The following ABCB11 variants were observed in gnomAD, a reference collection of about 807,000 sequenced individuals.
ABCB11 encodes the protein bile salt export pump.
ABCB11 carries 95 observed loss-of-function variants against 148.0 expected under a neutral mutation model. That is an observed-to-expected ratio of 0.64 (90% CI 0.54 to 0.76). The LOEUF is 0.76. Ranked by LOEUF, ABCB11 falls within the 30% of genes least tolerant of loss-of-function variation. The probability of loss-of-function intolerance (pLI) is 0.00; values close to 1 mark genes in which losing one functional copy is unlikely to be tolerated. For missense variants in ABCB11, 1,523 were observed against 1,617.8 expected (o/e 0.94, Z 1.01); for synonymous variants, 591 against 555.4 (o/e 1.06, Z -0.90).
downstream of ABCB11, among the ~76,000 whole-genome samples, chr2:168,918,570 T>C (rs1223659980): frequency 6.6e-6 from 1 of 152,168 alleles, no homozygotes; most frequent in Non-Finnish European, 1.5e-5. Context: ...TTCTGCACAA[T>C]ATAACATGGG....
chr2:168,958,316 A>G (rs1178624421), intron 18 of ABCB11, among the ~76,000 whole-genome samples, 188 bp from the exon 19 acceptor site: 1 of 151,696 alleles, frequency 6.6e-6, no homozygotes, highest in African/African-American at 2.4e-5. Flanking sequence ...CTGTGGCTTG[A>G]ATAAAAACTG....
chr2:168,993,853 G>A lies in ABCB11; in HGVS notation c.641C>T (p.Ala214Val), dbSNP rs747473227. The change falls in exon 8 of 28, where the codon GCT (alanine) becomes GTT (valine). Residue 214 changes from alanine (A) to valine (V), a missense_variant. Physicochemically the swap from Ala to Val is moderately conservative, Grantham distance 64. Transcript: ENST00000650372. Reference protein sequence around the residue: ...DDINKINDAIADQMALFIQRM... With the variant: ...DDINKINDAIVDQMALFIQRM... ...CTGAATGAAAAGGGCCATTTGGTCAGCTATGGCATCATTGATTTTATTAAT... is the reference window on the plus strand; with the variant it reads ...CTGAATGAAAAGGGCCATTTGGTCAACTATGGCATCATTGATTTTATTAAT... 1.2e-6 allele frequency: 2 copies of A among 1,609,672 alleles called. No homozygotes were observed. Among genetic ancestry groups the A allele is most frequent in the Admixed American group, 1.7e-5 (1 of 59,226 alleles).
At chr2:168,920,284 T>A (rs1691035599), downstream of ABCB11, among the ~76,000 whole-genome samples, 1 of 152,182 alleles carries the variant, frequency 6.6e-6, no homozygotes, top group South Asian at 2.1e-4. Flanking sequence ...GATTTTTATT[T>A]ATTATATTCA....
At position 168,920,798 on chromosome 2, in the gene ABCB11, A is replaced by G. The variant is rs1299638298; in HGVS notation, c.*2824T>C. On this transcript the variant is annotated 3_prime_UTR_variant, in exon 28 of 28. Transcript: ENST00000650372. ...CCCTGGTGTTGTAAAATAAACATGC[A>G]ATGTTATTTATTTATTCATTTTTGA... 1.3e-5 allele frequency among the ~76,000 whole-genome samples: 2 copies of G among 152,156 alleles called. No homozygotes were observed. Among genetic ancestry groups the G allele is most frequent in the Non-Finnish European group, 2.9e-5 (2 of 68,026 alleles).
chr2:168,983,651 G>A (rs1187627438), intron 10 of ABCB11, among the ~76,000 whole-genome samples: 1 of 152,156 alleles, frequency 6.6e-6, no homozygotes, highest in Non-Finnish European at 1.5e-5. Flanking sequence ...GGTTTGGAAT[G>A]ATTATGGTTT....
chr2:168,944,783 GA>G lies in ABCB11; in HGVS notation c.2449-18del, dbSNP rs760018261. The G allele has an allele frequency of 1.7e-5, 28 of 1,610,432 alleles. No homozygotes were observed. Among genetic ancestry groups the G allele is most frequent in the Non-Finnish European group, 2.3e-5 (27 of 1,178,494 alleles). ...GGCATATCCCTAAAACATGAAGAGG[GA>G]GATGTTAGAGAAATTTTAATGAGAA... is the stretch of plus-strand genomic sequence containing the variant. On this transcript the variant is annotated intron_variant, in intron 20 of 27. Transcript: ENST00000650372.
chr2:168,961,088 C>A (rs1693054240), intron 18 of ABCB11, among the ~76,000 whole-genome samples: 1 of 151,582 alleles, frequency 6.6e-6, no homozygotes, highest in South Asian at 2.1e-4. Context: ...AGTGTACAAT[C>A]GATGTTTATG....
At chr2:168,938,365 T>C (rs1045920795) in intron 21 of ABCB11, among the ~76,000 whole-genome samples, 1 of 152,204 alleles carries the variant, frequency 6.6e-6, no homozygotes, top group African/African-American at 2.4e-5. Flanking sequence ...CTCTGACACA[T>C]ACTATAGCAT....
chr2:168,999,205 T>C (rs778823577), intron 5 of ABCB11, among the ~76,000 whole-genome samples: 4 of 152,034 alleles, frequency 2.6e-5, no homozygotes, highest in Non-Finnish European at 5.9e-5. Flanking sequence ...AAAGAGACGT[T>C]TTACAAATTA....
At position 168,968,501 on chromosome 2, in the gene ABCB11, C is replaced by T; in HGVS notation, c.2012-11G>A. ...CATCTTCAGTTGCATCTACTCAACA[C>T]AGCATGAGCAATTTTTTAGTATATA... On this transcript the variant is annotated splice_polypyrimidine_tract_variant and intron_variant, in intron 16 of 27. Coordinates refer to ENST00000650372, the MANE Select transcript of ABCB11 (RefSeq NM_003742.4). The T allele has an allele frequency of 1.2e-6, 2 of 1,606,470 alleles. No homozygotes were observed. The highest frequency in any genetic ancestry group is 1.7e-6 in the Non-Finnish European group (2 of 1,175,206).
chr2:168,947,566 G>A (rs1235724329), intron 19 of ABCB11, among the ~76,000 whole-genome samples: 1 of 151,658 alleles, frequency 6.6e-6, no homozygotes, highest in East Asian at 2.0e-4. Context: ...TGTGCATATT[G>A]TGCCCTTTAG....
At chr2:168,991,221 A>G (rs1275173276) in intron 8 of ABCB11, among the ~76,000 whole-genome samples, 2 of 152,184 alleles carry the variant, frequency 1.3e-5, no homozygotes, top group Admixed American at 6.5e-5. Context: ...TTATACTAAT[A>G]AAGTGTTAAG....
chr2:169,003,311 T>C (rs1293546894), intron 5 of ABCB11, among the ~76,000 whole-genome samples: 1 of 149,542 alleles, frequency 6.7e-6, no homozygotes, highest in African/African-American at 2.5e-5. Flanking sequence ...GGCTGAGTAG[T>C]ATTCCATGGT....
chr2:169,019,119 T>C (rs959570687), intron 1 of ABCB11, among the ~76,000 whole-genome samples: 2 of 152,144 alleles, frequency 1.3e-5, no homozygotes, highest in African/African-American at 2.4e-5. Context: ...CTGGCCACCA[T>C]TGAAGCATCT....
chr2:169,004,608 T>TA (rs1270756931), intron 5 of ABCB11, among the ~76,000 whole-genome samples: 2 of 152,238 alleles, frequency 1.3e-5, no homozygotes, highest in Admixed American at 6.5e-5. Context: ...CAGTTGGACT[T>TA]AACCTTTCTC....
At chr2:168,988,077 A>G (rs1694387003) in intron 9 of ABCB11, among the ~76,000 whole-genome samples, 1 of 152,180 alleles carries the variant, frequency 6.6e-6, no homozygotes, top group Non-Finnish European at 1.5e-5. Context: ...CATAGTCACC[A>G]TGTTAACAAC....
intron 5 of ABCB11, among the ~76,000 whole-genome samples, chr2:169,004,980 C>A (rs960019828): frequency 6.6e-6 from 1 of 152,104 alleles, no homozygotes; most frequent in Admixed American, 6.5e-5. Flanking sequence ...CAAGAGTCTG[C>A]AAAGAGTCCT....
chr2:168,959,448 C>T (rs1166877074), intron 18 of ABCB11, among the ~76,000 whole-genome samples: 1 of 151,592 alleles, frequency 6.6e-6, no homozygotes, highest in African/African-American at 2.4e-5. Context: ...CCAACGTGGC[C>T]ACCCGTAAAG....
Position 168,958,094 on chromosome 2 carries a change from G to T in ABCB11, c.2213C>A (p.Pro738His), listed in dbSNP as rs749448543. The T allele has an allele frequency of 1.9e-6, 3 of 1,611,162 alleles. No homozygotes were observed. Among genetic ancestry groups the T allele is most frequent in the Non-Finnish European group, 2.5e-6 (3 of 1,178,142 alleles). ...KDIPVQEEVE[P>H]APVRRILKFS... ...TTTCAGAATCCTCCTAACTGGGGCA[G>T]GTTCAACTTCTTCCTGCACAGGAAT... is the stretch of plus-strand genomic sequence containing the variant. The change falls in exon 19 of 28, where the codon CCT (proline) becomes CAT (histidine). Residue 738 changes from proline to histidine, a missense_variant. By Grantham distance (77) the Pro-to-His change is moderately conservative (BLOSUM62 -2). Coordinates refer to ENST00000650372, the MANE Select transcript of ABCB11 (RefSeq NM_003742.4).
Sources: gnomAD v4.1 joint callset for allele counts (sites outside exome capture counted in the v4.1 genomes callset) on GRCh38, gnomAD v4.1.1 for gene constraint, MANE v1.5 for transcripts, NCBI Gene and HGNC (gene_info 2026-07-23, HGNC 2026-07-21) for gene names.